Variants in MAGI2 observed in about 807,000 individuals in gnomAD.
MAGI2 encodes membrane-associated guanylate kinase, WW and PDZ domain-containing protein 2.
In MAGI2, 35 loss-of-function variants were observed where a neutral mutation model predicts 133.3. The observed-to-expected ratio is 0.26, with a 90% CI of 0.20 to 0.35. The LOEUF (loss-of-function observed/expected upper bound fraction) is 0.35. Ranked by LOEUF, MAGI2 falls within the 10% of genes least tolerant of loss-of-function variation. MAGI2 has a pLI of 1.00. For missense variants in MAGI2, 1,636 were observed against 1,863.4 expected, an observed-to-expected ratio of 0.88 and a Z score of 2.25; for synonymous variants, 729 against 710.6, an observed-to-expected ratio of 1.03 and a Z score of -0.41.
At chr7:78,804,763 A>AAAAACAAACAAAC (rs1554576109) in intron 2 of MAGI2, among the ~76,000 whole-genome samples, 3,334 of 146,438 alleles carry the variant, frequency 0.023, 159 homozygotes, top group African/African-American at 0.08. Context: ...AAAAAAAAAA[A>AAAAACAAACAAAC]AAAAAAAAAC....
intron 21 of MAGI2, among the ~76,000 whole-genome samples, chr7:78,065,147 A>G (rs918926903): frequency 2.0e-5 from 3 of 152,156 alleles, no homozygotes; most frequent in African/African-American, 2.4e-5. Flanking sequence ...TGGAGTTTCT[A>G]GGGCTAGAAG....
intron 6 of MAGI2, among the ~76,000 whole-genome samples, chr7:78,416,431 G>T (rs1490361018): frequency 6.6e-6 from 1 of 152,102 alleles, no homozygotes; most frequent in Non-Finnish European, 1.5e-5. Context: ...AATAAAATGT[G>T]TTAGCACTAT....
intron 2 of MAGI2, among the ~76,000 whole-genome samples, chr7:78,720,426 C>T (rs1335789824): frequency 6.6e-6 from 1 of 152,026 alleles, no homozygotes; most frequent in Non-Finnish European, 1.5e-5. Context: ...TGCTCCTAGA[C>T]ACAGCTAGTA....
chr7:79,244,226 C>T (rs1332847405), intron 1 of MAGI2, among the ~76,000 whole-genome samples: 1 of 152,184 alleles, frequency 6.6e-6, no homozygotes, highest in East Asian at 1.9e-4. Context: ...ACTGATCATC[C>T]ATCCTCCTCA....
chr7:79,442,399 C>A (rs2129198239), intron 1 of MAGI2, among the ~76,000 whole-genome samples: 1 of 151,566 alleles, frequency 6.6e-6, no homozygotes, highest in African/African-American at 2.4e-5. Flanking sequence ...TGCCTAAGTG[C>A]CTTTCCGAGA....
intron 3 of MAGI2, among the ~76,000 whole-genome samples, chr7:78,573,788 G>C (rs1801984040): frequency 6.6e-6 from 1 of 151,944 alleles, no homozygotes; most frequent in South Asian, 2.1e-4. Context: ...GGTGAGTTGG[G>C]TTTTTATTGG....
intron 2 of MAGI2, among the ~76,000 whole-genome samples, chr7:78,879,060 G>C (rs1795646305): frequency 6.6e-6 from 1 of 152,166 alleles, no homozygotes; most frequent in Non-Finnish European, 1.5e-5. Context: ...TGAATTAGGA[G>C]ATTAGGCATC....
intron 2 of MAGI2, among the ~76,000 whole-genome samples, chr7:78,981,759 A>G (rs972228594): frequency 6.6e-6 from 1 of 151,928 alleles, no homozygotes; most frequent in African/African-American, 2.4e-5. Context: ...GTTTCTACAG[A>G]TAGCTCTGTC....
chr7:78,287,534 G>T (rs1473110481), intron 9 of MAGI2, among the ~76,000 whole-genome samples: 1 of 152,114 alleles, frequency 6.6e-6, no homozygotes, highest in Non-Finnish European at 1.5e-5. Flanking sequence ...ATTATGAAAG[G>T]ATGTAGTTAA....
At chr7:78,992,348 CAT>C (rs1805872119) in intron 2 of MAGI2, among the ~76,000 whole-genome samples, 2 of 151,976 alleles carry the variant, frequency 1.3e-5, no homozygotes, top group South Asian at 2.1e-4. Flanking sequence ...CCCAGCCACT[CAT>C]GTGTACATAA....
chr7:78,650,626 T>G (rs1233140040), intron 2 of MAGI2, among the ~76,000 whole-genome samples: 1 of 151,182 alleles, frequency 6.6e-6, no homozygotes, highest in Non-Finnish European at 1.5e-5. Context: ...GAAGTTGGTT[T>G]TGTTAGGAAA....
chr7:78,905,981 A>G (rs1469405328), intron 2 of MAGI2, among the ~76,000 whole-genome samples: 3 of 152,210 alleles, frequency 2.0e-5, no homozygotes, highest in African/African-American at 7.2e-5. Context: ...CCATAGCAGC[A>G]AGTCTTCAGT....
At chr7:79,021,413 A>G (rs1809318776) in intron 1 of MAGI2, among the ~76,000 whole-genome samples, 1 of 152,192 alleles carries the variant, frequency 6.6e-6, no homozygotes, top group African/African-American at 2.4e-5. Context: ...GTACCCTGAA[A>G]AGTCACAGGG....
At chr7:78,453,054 C>T (rs1037098338) in intron 6 of MAGI2, among the ~76,000 whole-genome samples, 2 of 151,882 alleles carry the variant, frequency 1.3e-5, no homozygotes, top group African/African-American at 4.8e-5. Context: ...TGTTAATAGC[C>T]TCTTTCCTCT....
chr7:79,187,575 G>A (rs1009037670), intron 1 of MAGI2, among the ~76,000 whole-genome samples: 2 of 151,866 alleles, frequency 1.3e-5, no homozygotes, highest in Non-Finnish European at 2.9e-5. Flanking sequence ...TTTACTGGAT[G>A]TAGATACAGT....
chr7:78,521,050 T>A (rs1796452809), intron 4 of MAGI2, among the ~76,000 whole-genome samples: 1 of 152,162 alleles, frequency 6.6e-6, no homozygotes, highest in Non-Finnish European at 1.5e-5. Context: ...TAATATTAAT[T>A]AACAGAGAGC....
At chr7:78,536,602 T>C (rs1048739849) in intron 3 of MAGI2, among the ~76,000 whole-genome samples, 4 of 152,160 alleles carry the variant, frequency 2.6e-5, no homozygotes, top group Admixed American at 1.3e-4. Flanking sequence ...GGAACTAATA[T>C]GAGCAGCTTG....
intron 6 of MAGI2, among the ~76,000 whole-genome samples, chr7:78,382,755 C>G (rs1795040809): frequency 6.6e-6 from 1 of 151,918 alleles, no homozygotes. Flanking sequence ...CTTCAGCCTC[C>G]CCTCAACTTC....
chr7:78,101,472 G>A (rs28760079), intron 20 of MAGI2, among the ~76,000 whole-genome samples: 68,413 of 151,946 alleles, frequency 0.45, 15,874 homozygotes, highest in African/African-American at 0.54. Flanking sequence ...TCTTCAATAA[G>A]TGGAGTTAGG....
Sources: allele counts gnomAD v4.1 joint callset (sites outside exome capture counted in the v4.1 genomes callset), GRCh38; gene constraint gnomAD v4.1.1; transcripts MANE v1.5; gene names NCBI Gene and HGNC (gene_info 2026-07-23, HGNC 2026-07-21).